The following AAGAB variants were observed in gnomAD, a reference collection of about 807,000 sequenced individuals.
AAGAB encodes the protein alpha- and gamma-adaptin-binding protein p34.
Under a neutral mutation model 44.1 loss-of-function variants are expected in AAGAB, and 38 were observed. That is an observed-to-expected ratio of 0.86 (90% confidence interval 0.67 to 1.13). The LOEUF (loss-of-function observed/expected upper bound fraction) is 1.13, where lower values mean the gene tolerates loss of function less well. Among genes scored for constraint, AAGAB ranks in the 50% most tolerant of loss-of-function variants. The probability of loss-of-function intolerance (pLI) is 0.00; values close to 1 mark genes in which losing one functional copy is unlikely to be tolerated. For synonymous variants in AAGAB, 131 were observed against 131.8 expected, an observed-to-expected ratio of 0.99 and a Z score of 0.04; for missense variants, 450 against 373.8, an observed-to-expected ratio of 1.20 and a Z score of -1.68.
In AAGAB at chr15:67,251,718, A is replaced by G. The variant is rs1037921152; in HGVS notation, c.73+2841T>C. On this transcript the variant is annotated intron_variant, in intron 1 of 9. Coordinates refer to ENST00000261880, the MANE Select transcript of AAGAB (RefSeq NM_024666.5). Reference sequence around the variant, plus strand: ...GAACCAAACTTTCCCAAAAAGGTAGATCCAATTCAATCCAAAACTATTCCA... The same window carrying G: ...GAACCAAACTTTCCCAAAAAGGTAGGTCCAATTCAATCCAAAACTATTCCA... Among the ~76,000 whole-genome samples, 4 of 152,336 alleles carry G rather than the reference A, an allele frequency of 2.6e-5. No individual in the cohort carries two copies. In the East Asian group the frequency reaches 7.7e-4, roughly 29 times the overall value.
intron 5 of AAGAB, among the ~76,000 whole-genome samples, chr15:67,216,685 T>G (rs1413790620): frequency 4.6e-5 from 7 of 151,320 alleles, no homozygotes; most frequent in East Asian, 3.9e-4. Context: ...TCCAGAACCT[T>G]AAGCACACTC....
At chr15:67,206,270 C>T (rs1409896571) in intron 7 of AAGAB, among the ~76,000 whole-genome samples, 2 of 152,268 alleles carry the variant, frequency 1.3e-5, no homozygotes, top group Admixed American at 6.5e-5. Flanking sequence ...CTCACTGCAT[C>T]CTATCAGGAG....
intron 5 of AAGAB, among the ~76,000 whole-genome samples, chr15:67,225,401 TA>T (rs1964180574): frequency 6.6e-6 from 1 of 152,206 alleles, no homozygotes; most frequent in African/African-American, 2.4e-5. Context: ...TCTTTCTTTT[TA>T]TTGAGATTTA....
At chr15:67,255,126 C>T (rs756879988), upstream of AAGAB, 12 of 650,194 alleles carry the variant, frequency 1.8e-5, no homozygotes, top group Non-Finnish European at 3.1e-5. Context: ...AGCACACTCC[C>T]GGTGACTTAC....
intron 5 of AAGAB, among the ~76,000 whole-genome samples, chr15:67,216,337 G>A (rs945919932): frequency 1.3e-5 from 2 of 151,076 alleles, no homozygotes; most frequent in Non-Finnish European, 2.9e-5. Flanking sequence ...AGCTACTGGG[G>A]AGGCTGACGC....
chr15:67,247,536 T>C (rs1329285916), intron 1 of AAGAB, among the ~76,000 whole-genome samples: 1 of 152,218 alleles, frequency 6.6e-6, no homozygotes, highest in East Asian at 1.9e-4. Context: ...ATATTTTCTG[T>C]ATCATAAGTG....
chr15:67,252,010 G>C (rs900304593), intron 1 of AAGAB, among the ~76,000 whole-genome samples: 1 of 152,102 alleles, frequency 6.6e-6, no homozygotes, highest in Admixed American at 6.5e-5. Context: ...CTACACGACA[G>C]TAACGAGTTG....
chr15:67,236,044 T>A lies in AAGAB; in HGVS notation c.386A>T (p.Glu129Val). 6.2e-7 allele frequency: 1 copy of A among 1,613,152 alleles called. No individual in the cohort carries two copies. The highest frequency in any genetic ancestry group is 8.5e-7 in the Non-Finnish European group (1 of 1,179,470). Residue 129 changes from glutamate (E) to valine (V), a missense_variant, in exon 4 of 10, where the codon GAA becomes GTA. Transcript: ENST00000261880. ...TTCAAAGCCATGTTTGATGCACCAT[T>A]CTTGAGCTTTTTGTCGGTTTATACC... The part of the protein sequence containing the change: ...EDGINRQKAQ[E>V]WCIKHGFELV...
chr15:67,205,038 G>C (rs554799170), intron 7 of AAGAB, among the ~76,000 whole-genome samples: 14 of 152,284 alleles, frequency 9.2e-5, no homozygotes, highest in South Asian at 2.1e-4. Context: ...CTGCATCTTT[G>C]CAACAGCCCT....
intron 1 of AAGAB, among the ~76,000 whole-genome samples, chr15:67,253,333 T>G (rs1596025647): frequency 7.6e-6 from 1 of 131,926 alleles, no homozygotes; most frequent in African/African-American, 3.0e-5. Flanking sequence ...GAGGCTGAGG[T>G]AGGGGGATGG....
chr15:67,245,653 G>A (rs539412461), intron 1 of AAGAB, among the ~76,000 whole-genome samples: 1 of 152,176 alleles, frequency 6.6e-6, no homozygotes, highest in Admixed American at 6.5e-5. Context: ...CACAGAAACT[G>A]GGAGATACTG....
chr15:67,226,896 A>G, intron 5 of AAGAB: 1 of 295,524 alleles, frequency 3.4e-6, no homozygotes, highest in Admixed American at 3.9e-5. Flanking sequence ...TACGTTTTTA[A>G]TTACCTAGAT....
intron 7 of AAGAB, among the ~76,000 whole-genome samples, chr15:67,204,724 A>G (rs990529118): frequency 9.8e-5 from 15 of 152,286 alleles, no homozygotes; most frequent in Admixed American, 9.8e-4. Context: ...CTTACTACAA[A>G]TCTTTTACTG....
At chr15:67,209,700 T>C (rs1266189233) in intron 5 of AAGAB, among the ~76,000 whole-genome samples, 156 bp from the exon 6 acceptor site, 1 of 152,242 alleles carries the variant, frequency 6.6e-6, no homozygotes, top group Non-Finnish European at 1.5e-5. Context: ...TAGCCCAGGC[T>C]AGAGTGCAGT....
At chr15:67,233,474 G>A (rs1964390853) in intron 4 of AAGAB, among the ~76,000 whole-genome samples, 1 of 152,144 alleles carries the variant, frequency 6.6e-6, no homozygotes, top group African/African-American at 2.4e-5. Flanking sequence ...GGCTGCGTCT[G>A]GAAAATAATG....
chr15:67,221,383 T>G (rs780464730), intron 5 of AAGAB, among the ~76,000 whole-genome samples: 14 of 152,356 alleles, frequency 9.2e-5, no homozygotes, highest in African/African-American at 1.2e-4. Flanking sequence ...CTGCTAAGAA[T>G]GAACAAAACA....
chr15:67,253,263 G>T (rs1324658873), intron 1 of AAGAB, among the ~76,000 whole-genome samples: 5 of 25,916 alleles, frequency 1.9e-4, no homozygotes, highest in East Asian at 0.083. Context: ...CGTATGACGG[G>T]GGGGGGGGGG....
chr15:67,243,089 C>G (rs1964641420), intron 1 of AAGAB, among the ~76,000 whole-genome samples: 1 of 151,984 alleles, frequency 6.6e-6, no homozygotes. Flanking sequence ...TTTACTTTCT[C>G]CCAATAGTCA....
At chr15:67,210,624 A>G (rs1402629586) in intron 5 of AAGAB, among the ~76,000 whole-genome samples, 1 of 152,226 alleles carries the variant, frequency 6.6e-6, no homozygotes, top group Non-Finnish European at 1.5e-5. Context: ...ACAAATCTGG[A>G]GCAAAACATC....
Sources: allele counts gnomAD v4.1 joint callset (sites outside exome capture counted in the v4.1 genomes callset), GRCh38; gene constraint gnomAD v4.1.1; transcripts MANE v1.5; gene names NCBI Gene and HGNC (gene_info 2026-07-23, HGNC 2026-07-21).